AGAP1: variants seen among roughly 807,000 people sequenced by gnomAD.
AGAP1 encodes arf-GAP with GTPase, ANK repeat and PH domain-containing protein 1.
In AGAP1, 29 loss-of-function variants were observed where a neutral mutation model predicts 105.3. That is an observed-to-expected ratio of 0.28 (90% confidence interval 0.21 to 0.38). The LOEUF (loss-of-function observed/expected upper bound fraction) is 0.38, where lower values mean the gene tolerates loss of function less well. AGAP1 is among the 10% of genes least tolerant of loss of function. The probability of loss-of-function intolerance (pLI) is 1.00; values close to 1 mark genes in which losing one functional copy is unlikely to be tolerated. For missense variants in AGAP1, 998 were observed against 1,165.1 expected (o/e 0.86, Z 2.09); for synonymous variants, 509 against 485.9 (o/e 1.05, Z -0.63).
chr2:235,848,212 G>A (rs1961738186), intron 9 of AGAP1, among the ~76,000 whole-genome samples: 1 of 152,142 alleles, frequency 6.6e-6, no homozygotes, highest in African/African-American at 2.4e-5. Flanking sequence ...ACAGTGCCCT[G>A]GGCATGGTCC....
chr2:235,616,325 T>C (rs1382300380), intron 1 of AGAP1, among the ~76,000 whole-genome samples: 1 of 150,826 alleles, frequency 6.6e-6, no homozygotes, highest in African/African-American at 2.4e-5. Context: ...TGCGCCACTC[T>C]ACTCCAGCCT....
At chr2:235,784,884 T>C (rs867760913) in intron 6 of AGAP1, among the ~76,000 whole-genome samples, 13 of 152,234 alleles carry the variant, frequency 8.5e-5, no homozygotes, top group African/African-American at 3.1e-4. Context: ...TAATAATGGA[T>C]GGGTGCTGGG....
At chr2:235,598,328 C>T (rs759817825) in intron 1 of AGAP1, among the ~76,000 whole-genome samples, 1 of 152,150 alleles carries the variant, frequency 6.6e-6, no homozygotes. Context: ...AAATAATTAT[C>T]TTACTTATTT....
chr2:235,929,259 G>A (rs982534938), intron 11 of AGAP1, among the ~76,000 whole-genome samples: 24 of 151,976 alleles, frequency 1.6e-4, no homozygotes, highest in Middle Eastern at 3.4e-3. Context: ...CACACAGATT[G>A]CCTGGGATCT....
intron 12 of AGAP1, among the ~76,000 whole-genome samples, chr2:235,966,092 A>G (rs1397866769): frequency 5.8e-5 from 6 of 102,788 alleles, no homozygotes; most frequent in Admixed American, 9.8e-5. Context: ...AGGAGAGGGG[A>G]GCCCGTTCCT....
chr2:236,102,891 T>G lies in AGAP1; in HGVS notation c.2115-17301T>G, dbSNP rs546708926. Among the ~76,000 whole-genome samples, 14 of 152,218 alleles carry G rather than the reference T, an allele frequency of 9.2e-5. No homozygotes were observed. In the South Asian group the frequency reaches 2.9e-3, roughly 32 times the overall value. On this transcript the variant is annotated intron_variant, in intron 16 of 17. Transcript: ENST00000304032. ...TTTTGCCTTTCGCTAATAGTGTAACTTTTTTTTCAAAAGTCATTGTCTTAA... is the reference window on the plus strand; with the variant it reads ...TTTTGCCTTTCGCTAATAGTGTAACGTTTTTTTCAAAAGTCATTGTCTTAA...
chr2:235,544,325 G>GT lies in AGAP1; in HGVS notation c.163+49479dup, dbSNP rs1458636290. ...ATTGTGCAAGAAACGCACCACCTAG[G>GT]TTTGTGCCTCCTGCCGTTGCTTACG... On this transcript the variant is annotated intron_variant, in intron 1 of 17. Transcript: ENST00000304032. Among the ~76,000 whole-genome samples, 4 of 152,128 alleles carry GT rather than the reference G, an allele frequency of 2.6e-5. No homozygotes were observed. In the East Asian group the frequency reaches 7.7e-4, roughly 29 times the overall value.
In AGAP1 at chr2:236,040,845, AGTGTGTGCGGTG is replaced by A. The variant is rs1424016319; in HGVS notation, c.1891+7_1891+18del. 6.2e-7 allele frequency: 1 copy of A among 1,614,170 alleles called. No individual in the cohort carries two copies. Among genetic ancestry groups the A allele is most frequent in the Non-Finnish European group, 8.5e-7 (1 of 1,180,004 alleles). On this transcript the variant is annotated splice_donor_5th_base_variant and intron_variant, in intron 15 of 17. Coordinates refer to ENST00000304032, the MANE Select transcript of AGAP1 (RefSeq NM_001037131.3). This position sits in a 1 kb window ranked among gnomAD's most constrained non-coding sequence, Gnocchi z 5.6. ...TGTGTGGACTGCGAGACCCAGAGTAAGTGTGTGCGGTGGTAGCAGGGGCTGGCGCTGTGTAGC... is the reference window on the plus strand; with the variant it reads ...TGTGTGGACTGCGAGACCCAGAGTAAGTAGCAGGGGCTGGCGCTGTGTAGC...
At position 235,906,905 on chromosome 2, in the gene AGAP1, A is replaced by G. The variant is rs1487023422; in HGVS notation, c.1156-1833A>G. Among the ~76,000 whole-genome samples, 1 of 152,170 alleles carries G rather than the reference A, an allele frequency of 6.6e-6. No individual in the cohort carries two copies. The highest frequency in any genetic ancestry group is 2.4e-5 in the African/African-American group (1 of 41,438). On this transcript the variant is annotated intron_variant, in intron 10 of 17. Transcript: ENST00000304032. This position sits in a 1 kb window ranked among gnomAD's most constrained non-coding sequence, Gnocchi z 5.3. ...GGACTGCTTGCCTGTCATCCCAGCT[A>G]CTCGGGAGACTGAGGCAGGAGAATC...
At chr2:235,929,938 A>T (rs914820347) in intron 11 of AGAP1, among the ~76,000 whole-genome samples, 8 of 152,126 alleles carry the variant, frequency 5.3e-5, no homozygotes, top group Admixed American at 5.2e-4. Context: ...TTGGAAGAAA[A>T]TTTTTTTTAA....
At chr2:235,863,266 A>C (rs1266213577) in intron 9 of AGAP1, among the ~76,000 whole-genome samples, 1 of 152,242 alleles carries the variant, frequency 6.6e-6, no homozygotes, top group African/African-American at 2.4e-5. Context: ...AGTGCCAACC[A>C]CAATGTGATT....
At position 236,101,147 on chromosome 2, in the gene AGAP1, A is replaced by T. The variant is rs928812716; in HGVS notation, c.2115-19045A>T. On this transcript the variant is annotated intron_variant, in intron 16 of 17. Transcript: ENST00000304032. The surrounding 1 kb of genome is among the most constrained non-coding windows in gnomAD (Gnocchi z 4.9). ...ATTTTCAATGTGTTTCCCTTTGGTTATTCCCCACTCCCATGCCTGTCCTCT... is the reference window on the plus strand; with the variant it reads ...ATTTTCAATGTGTTTCCCTTTGGTTTTTCCCCACTCCCATGCCTGTCCTCT... Among the ~76,000 whole-genome samples, 20 of 152,060 alleles carry T rather than the reference A, an allele frequency of 1.3e-4. No homozygotes were observed. Among genetic ancestry groups the T allele is most frequent in the Non-Finnish European group, 2.9e-4 (20 of 68,006 alleles).
intron 16 of AGAP1, among the ~76,000 whole-genome samples, chr2:236,077,941 G>A (rs2058683332): frequency 6.6e-6 from 1 of 152,130 alleles, no homozygotes. Context: ...CTGGGTCACT[G>A]CCAGCCTCAC....
At position 235,701,686 on chromosome 2, in the gene AGAP1, T is replaced by A. The variant is rs1279587258; in HGVS notation, c.164-7493T>A. 2.0e-5 allele frequency among the ~76,000 whole-genome samples: 3 copies of A among 152,200 alleles called. No homozygotes were observed. The highest frequency in any genetic ancestry group is 2.9e-5 in the Non-Finnish European group (2 of 68,034). On this transcript the variant is annotated intron_variant, in intron 1 of 17. Transcript: ENST00000304032. The surrounding 1 kb of genome is among the most constrained non-coding windows in gnomAD (Gnocchi z 4.1). The stretch of plus-strand genomic sequence containing the variant: ...TGAAACTGTGCTGGTGAACTTCTGC[T>A]AAGTCCTACATTTGAAAGTCATCAG...
intron 9 of AGAP1, among the ~76,000 whole-genome samples, chr2:235,839,711 C>A (rs1385012360): frequency 3.3e-5 from 5 of 152,194 alleles, no homozygotes; most frequent in African/African-American, 1.2e-4. Flanking sequence ...TTAAGAACAA[C>A]CACTTTAGAA....
chr2:235,602,099 C>T (rs1384793833), intron 1 of AGAP1, among the ~76,000 whole-genome samples: 2 of 152,184 alleles, frequency 1.3e-5, no homozygotes, highest in Non-Finnish European at 2.9e-5. Context: ...CAAACTGCTG[C>T]CACCTGCTTC....
At chr2:235,997,281 G>T (rs966457976) in intron 13 of AGAP1, among the ~76,000 whole-genome samples, 1 of 152,176 alleles carries the variant, frequency 6.6e-6, no homozygotes, top group Non-Finnish European at 1.5e-5. Flanking sequence ...TAGAGATGGG[G>T]TTTCTCCATG....
At chr2:235,646,522 C>G (rs762386525) in intron 1 of AGAP1, among the ~76,000 whole-genome samples, 45 of 152,294 alleles carry the variant, frequency 3.0e-4, no homozygotes, top group South Asian at 8.3e-4. Context: ...AGCCTCCTCT[C>G]CATGTAGGAA....
In AGAP1 at chr2:236,000,976, G is replaced by T. The variant is rs926470671; in HGVS notation, c.1645+32353G>T. ...AAAGGACTGTCATCCATCTGTCATTGGCTGAATTGTGACCTCCAGAAAGAG... is the reference window on the plus strand; with the variant it reads ...AAAGGACTGTCATCCATCTGTCATTTGCTGAATTGTGACCTCCAGAAAGAG... On this transcript the variant is annotated intron_variant, in intron 13 of 17. Coordinates refer to ENST00000304032, the MANE Select transcript of AGAP1 (RefSeq NM_001037131.3). The surrounding 1 kb of genome is among the most constrained non-coding windows in gnomAD (Gnocchi z 4.3). Among the ~76,000 whole-genome samples, 1 of 152,170 alleles carries T rather than the reference G, an allele frequency of 6.6e-6. No homozygotes were observed. Among genetic ancestry groups the T allele is most frequent in the Non-Finnish European group, 1.5e-5 (1 of 68,046 alleles).
Sources: allele counts gnomAD v4.1 joint callset (sites outside exome capture counted in the v4.1 genomes callset), GRCh38; gene constraint gnomAD v4.1.1; non-coding constraint Gnocchi (gnomAD v3.1); transcripts MANE v1.5; gene names NCBI Gene and HGNC (gene_info 2026-07-23, HGNC 2026-07-21).